Variants in SCAF8 observed in about 807,000 individuals in gnomAD.
The protein encoded by SCAF8 is SR-related CTD associated factor 8.
A neutral mutation model predicts 140.5 loss-of-function variants in SCAF8; 23 were observed. The ratio of observed to expected loss-of-function variants is 0.16; its 90% CI spans 0.12 to 0.23. The LOEUF (loss-of-function observed/expected upper bound fraction) is 0.23, where lower values mean the gene tolerates loss of function less well. Ranked by LOEUF, SCAF8 falls within the 10% of genes least tolerant of loss-of-function variation. The pLI is 1.00. For synonymous variants in SCAF8, 575 were observed against 528.9 expected, an observed-to-expected ratio of 1.09 and a Z score of -1.20; for missense variants, 1,397 against 1,555.7, an observed-to-expected ratio of 0.90 and a Z score of 1.72.
At position 154,733,593 on chromosome 6, in the gene SCAF8, G is replaced by T; in HGVS notation, c.-308G>T. 1 of 1,291,382 alleles carries T rather than the reference G, an allele frequency of 7.7e-7. No homozygotes were observed. Among genetic ancestry groups the T allele is most frequent in the East Asian group, 3.2e-5 (1 of 31,734 alleles). The allele number at this position is 1,291,382 out of a possible 1,614,324, so 80.0% of individuals were successfully genotyped here. On this transcript the variant is annotated 5_prime_UTR_variant, in exon 1 of 20. Transcript: ENST00000367178. Reference sequence around the variant, plus strand: ...AGGGAGGGGGACCGAAACGGAGCGGGGCAGAGAAGAGAAGGCGCCGCGGCC... The same window carrying T: ...AGGGAGGGGGACCGAAACGGAGCGGTGCAGAGAAGAGAAGGCGCCGCGGCC...
intron 6 of SCAF8, among the ~76,000 whole-genome samples, chr6:154,796,886 C>T (rs1415600509): frequency 3.9e-5 from 6 of 151,976 alleles, no homozygotes; most frequent in South Asian, 2.1e-4. Context: ...GCAGGAGAAT[C>T]GCTTGAACCT....
intron 3 of SCAF8, among the ~76,000 whole-genome samples, chr6:154,783,111 T>A (rs1777132040): frequency 6.6e-6 from 1 of 152,222 alleles, no homozygotes; most frequent in Non-Finnish European, 1.5e-5. Context: ...ATTTGGTGAC[T>A]TTTCTACCAT....
At chr6:154,796,299 G>A (rs1777600919) in intron 6 of SCAF8, among the ~76,000 whole-genome samples, 1 of 150,812 alleles carries the variant, frequency 6.6e-6, no homozygotes, top group Non-Finnish European at 1.5e-5. Context: ...GAAGATAATA[G>A]TATGGTTTTC....
intron 17 of SCAF8, among the ~76,000 whole-genome samples, chr6:154,826,061 A>G (rs1778559174): frequency 1.3e-5 from 2 of 152,320 alleles, no homozygotes; most frequent in South Asian, 4.1e-4. Flanking sequence ...TGTTGGGTAG[A>G]GTTTTTAGCA....
intron 12 of SCAF8, among the ~76,000 whole-genome samples, chr6:154,811,931 T>A (rs1165341379): frequency 6.6e-6 from 1 of 152,152 alleles, no homozygotes; most frequent in African/African-American, 2.4e-5. Flanking sequence ...CTTAATCCAG[T>A]CTATCATTGA....
chr6:154,757,728 T>C (rs987118651), intron 1 of SCAF8, among the ~76,000 whole-genome samples: 45 of 152,136 alleles, frequency 3.0e-4, no homozygotes, highest in African/African-American at 1.1e-3. Flanking sequence ...GATGGATAGA[T>C]CTGTGTATCT....
chr6:154,752,844 C>T (rs564988951), intron 1 of SCAF8, among the ~76,000 whole-genome samples: 100 of 152,254 alleles, frequency 6.6e-4, no homozygotes, highest in African/African-American at 2.3e-3. Flanking sequence ...GCCTCAGCCT[C>T]CAGAGTAGCT....
intron 6 of SCAF8, among the ~76,000 whole-genome samples, 189 bp from the exon 7 acceptor site, chr6:154,801,782 G>C (rs575587503): frequency 6.6e-6 from 1 of 151,086 alleles, no homozygotes; most frequent in South Asian, 2.1e-4. Flanking sequence ...CCAGAAGTAA[G>C]ACAAACTTAT....
At chr6:154,786,892 C>CT (rs1029941796) in intron 3 of SCAF8, among the ~76,000 whole-genome samples, 14 of 152,176 alleles carry the variant, frequency 9.2e-5, no homozygotes, top group African/African-American at 2.9e-4. Context: ...TACTAAAGAA[C>CT]TTTTTTTGCC....
chr6:154,805,124 A>G (rs1435943814), intron 8 of SCAF8, among the ~76,000 whole-genome samples: 1 of 152,202 alleles, frequency 6.6e-6, no homozygotes, highest in East Asian at 1.9e-4. Flanking sequence ...AGATGGTAAT[A>G]TCAGATCTTC....
At chr6:154,776,289 GTATA>G (rs765197695) in intron 2 of SCAF8, among the ~76,000 whole-genome samples, 1 of 150,172 alleles carries the variant, frequency 6.7e-6, no homozygotes, top group Non-Finnish European at 1.5e-5. Flanking sequence ...CATTTAGTGT[GTATA>G]TATGTATATA....
At chr6:154,817,014 C>G (rs1201182546) in intron 13 of SCAF8, among the ~76,000 whole-genome samples, 2 of 141,960 alleles carry the variant, frequency 1.4e-5, no homozygotes, top group African/African-American at 5.3e-5. Flanking sequence ...TGCTGTCGAC[C>G]TCTCTTATTC....
chr6:154,820,164 C>T lies in SCAF8; in HGVS notation c.1636-13C>T. The T allele has an allele frequency of 1.3e-6, 2 of 1,554,444 alleles. No homozygotes were observed. Among genetic ancestry groups the T allele is most frequent in the Admixed American group, 2.2e-5 (1 of 44,926 alleles). The stretch of plus-strand genomic sequence containing the variant: ...GTATAACCTTTCTTTTTTCCTCTTC[C>T]CATTTACAATAGATCGCTTGGGCTT... On this transcript the variant is annotated splice_polypyrimidine_tract_variant and intron_variant, in intron 14 of 19. Transcript: ENST00000367178.
At chr6:154,814,553 G>T (rs1431520571) in intron 12 of SCAF8, among the ~76,000 whole-genome samples, 1 of 152,198 alleles carries the variant, frequency 6.6e-6, no homozygotes, top group Non-Finnish European at 1.5e-5. Flanking sequence ...AGGGCACTCA[G>T]TAGTGATCTT....
chr6:154,832,147 A>T lies in SCAF8; in HGVS notation c.2568A>T (p.Gly856=). 2 of 1,614,102 alleles carry T rather than the reference A, an allele frequency of 1.2e-6. No individual in the cohort carries two copies. Among genetic ancestry groups the T allele is most frequent in the African/African-American group, 2.7e-5 (2 of 75,030 alleles). ...TTCTAAATAACTCTGGAATATTGGG[A>T]ATACAGCCACCCAGTGTGTCAAATA... ...PNILNNSGIL[G]IQPPSVSNSS... is the part of the protein sequence containing the mutation. Residue 856 remains glycine, a synonymous_variant, in exon 20 of 20, where the codon GGA becomes GGT. Transcript: ENST00000367178.
rs1240375044 is a variant in SCAF8 at position 154,808,164 on chromosome 6, A to C, written c.1076A>C (p.Glu359Ala). 2 of 1,613,838 alleles carry C rather than the reference A, an allele frequency of 1.2e-6. No individual in the cohort carries two copies. The highest frequency in any genetic ancestry group is 8.5e-7 in the Non-Finnish European group (1 of 1,179,834). Residue 359 changes from glutamate to alanine, a missense_variant, in exon 10 of 20, where the codon GAA becomes GCA. Around this residue, in one of 5 missense-constraint regions of SCAF8, gnomAD observed 339 missense variants for 407.5 expected, o/e 0.83. Coordinates refer to ENST00000367178, the MANE Select transcript of SCAF8 (RefSeq NM_014892.5). ...GSSQQHFLEP[E>A]VNLDDSIDIQ... ...AGTCAGCAGCATTTTCTTGAACCTG[A>C]AGTCAATTTGGATGATTCCATAGAT... is the stretch of plus-strand genomic sequence containing the variant.
intron 1 of SCAF8, among the ~76,000 whole-genome samples, chr6:154,753,629 A>G (rs893349724): frequency 1.3e-5 from 2 of 152,166 alleles, no homozygotes; most frequent in African/African-American, 2.4e-5. Flanking sequence ...ATACATGTAT[A>G]AAGTGTCTAT....
At chr6:154,740,506 A>T (rs1467557799) in intron 1 of SCAF8, among the ~76,000 whole-genome samples, 1 of 152,188 alleles carries the variant, frequency 6.6e-6, no homozygotes, top group Non-Finnish European at 1.5e-5. Flanking sequence ...ACCACTAGAT[A>T]ATAAGCTCTA....
At position 154,818,578 on chromosome 6, in the gene SCAF8, T is replaced by A. The variant is rs1562462421; in HGVS notation, c.1621T>A (p.Ser541Thr). 2 of 1,585,564 alleles carry A rather than the reference T, an allele frequency of 1.3e-6. No individual in the cohort carries two copies. Among genetic ancestry groups the A allele is most frequent in the South Asian group, 2.3e-5 (2 of 88,636 alleles). The change falls in exon 14 of 20, where the codon TCC becomes ACC. Residue 541 changes from serine (S) to threonine (T), a missense_variant. Ser to Thr is a moderately conservative substitution (Grantham distance 58, BLOSUM62 1). This residue lies in a region of SCAF8 where 59 missense variants were observed against 110.7 expected (regional missense o/e 0.53). Transcript: ENST00000367178. Reference protein sequence around the residue: ...KLSSGSYKIGSKVIKIAWALN... With the variant: ...KLSSGSYKIGTKVIKIAWALN... ...CAGTTCTGGATCATATAAAATTGGG[T>A]CCAAGGTCATTAAGGTGAGATTTGG...
Sources: gnomAD v4.1 joint callset for allele counts (sites outside exome capture counted in the v4.1 genomes callset) on GRCh38, gnomAD v4.1.1 for gene constraint, gnomAD v4.1.1 regional missense constraint, MANE v1.5 for transcripts, NCBI Gene and HGNC (gene_info 2026-07-23, HGNC 2026-07-21) for gene names.